KLF6: variants seen among roughly 807,000 people sequenced by gnomAD.
KLF6 encodes Krueppel-like factor 6.
For missense variants in KLF6, 233 were observed against 359.8 expected (o/e 0.65, Z 2.85); for synonymous variants, 152 against 147.9 (o/e 1.03, Z -0.20).
chr10:3,776,205 A>C lies in KLF6; in HGVS notation c.*3334T>G. The C allele has an allele frequency of 1.9e-6, 1 of 532,338 alleles. No individual in the cohort carries two copies. Among genetic ancestry groups the C allele is most frequent in the East Asian group, 3.9e-5 (1 of 25,546 alleles). The allele number at this position is 532,338 out of a possible 1,614,324, so 33.0% of individuals were successfully genotyped here. ...CTGTGGAGGCACAGAAGTGGCAGGG[A>C]AACACTCAAGTTTGTCGTTGTGCAG... On this transcript the variant is annotated 3_prime_UTR_variant, in exon 4 of 4. Transcript: ENST00000497571.
chr10:3,777,595 C>A lies in KLF6; in HGVS notation c.*1944G>T. The stretch of plus-strand genomic sequence containing the variant: ...GATTCAAGCAAGAAAGTCCTCCGCA[C>A]ATCGTTAAATTAAAGATAAAGCCTC... On this transcript the variant is annotated 3_prime_UTR_variant, in exon 4 of 4. Transcript: ENST00000497571. 1 of 510,452 alleles carries A rather than the reference C, an allele frequency of 2.0e-6. No homozygotes were observed. Among genetic ancestry groups the A allele is most frequent in the Non-Finnish European group, 3.8e-6 (1 of 261,282 alleles). The allele number at this position is 510,452 out of a possible 1,614,324, so 31.6% of individuals were successfully genotyped here. A position where few individuals can be genotyped will look rare whatever the true frequency, so the allele number is the denominator to read the frequency against.
At position 3,779,188 on chromosome 10, in the gene KLF6, A is replaced by G. The variant is rs564818506; in HGVS notation, c.*351T>C. Reference sequence around the variant, plus strand: ...TCCATCTCTTGCAGTCTTGCTAACCACAAGGAAAAAAAGTTGGCCTCATCA... The same window carrying G: ...TCCATCTCTTGCAGTCTTGCTAACCGCAAGGAAAAAAAGTTGGCCTCATCA... On this transcript the variant is annotated 3_prime_UTR_variant, in exon 4 of 4. Coordinates refer to ENST00000497571, the MANE Select transcript of KLF6 (RefSeq NM_001300.6). The G allele has an allele frequency of 1.3e-4, 75 of 555,628 alleles. No homozygotes were observed. Among genetic ancestry groups the G allele is most frequent in the Middle Eastern group, 9.7e-4 (2 of 2,052 alleles). The allele number at this position is 555,628 out of a possible 1,614,324, so 34.4% of individuals were successfully genotyped here. A position where few individuals can be genotyped will look rare whatever the true frequency, so the allele number is the denominator to read the frequency against.
Position 3,776,183 on chromosome 10 carries a change from T to G in KLF6, c.*3356A>C, listed in dbSNP as rs746825942. 8 of 531,570 alleles carry G rather than the reference T, an allele frequency of 1.5e-5. 1 individual carries two copies. Among genetic ancestry groups the G allele is most frequent in the South Asian group, 1.2e-4 (8 of 65,146 alleles). 32.9% of individuals were successfully genotyped at this position (531,570 alleles called of 1,614,324 possible). On this transcript the variant is annotated 3_prime_UTR_variant, in exon 4 of 4. Transcript: ENST00000497571. ...CTAGCTGCGGAACTGGAGCAGGCTG[T>G]GGAGGCACAGAAGTGGCAGGGAAAC...
In KLF6 at chr10:3,780,478, A is replaced by C; in HGVS notation, c.677-249T>G. ...GCCCATGGTGCTGTCATCAAAGTTA[A>C]CGTGGAAGAACGACCACGACTCAGA... is the stretch of plus-strand genomic sequence containing the variant. On this transcript the variant is annotated intron_variant, in intron 2 of 3. Transcript: ENST00000497571. This position sits in a 1 kb window ranked among gnomAD's most constrained non-coding sequence, Gnocchi z 4.6. 9.2e-6 allele frequency: 5 copies of C among 544,932 alleles called. No individual in the cohort carries two copies. The highest frequency in any genetic ancestry group is 2.9e-5 in the Admixed American group (1 of 34,008). 33.8% of individuals were successfully genotyped at this position (544,932 alleles called of 1,614,324 possible). A position where few individuals can be genotyped will look rare whatever the true frequency, so the allele number is the denominator to read the frequency against.
rs763232619 is a variant in KLF6, at chr10:3,785,040, C to G, written c.-26G>C. ...GTCGGGCCGGGTTGGACGGAGCCCG[C>G]GGTCGCGAGGGCGGCGAGGCGCGCG... On this transcript the variant is annotated 5_prime_UTR_variant, in exon 1 of 4. Transcript: ENST00000497571. 6.2e-6 allele frequency: 10 copies of G among 1,610,568 alleles called. No homozygotes were observed. The highest frequency in any genetic ancestry group is 8.5e-6 in the Non-Finnish European group (10 of 1,178,528).
At position 3,781,770 on chromosome 10, in the gene KLF6, G is replaced by C; in HGVS notation, c.547C>G (p.Pro183Ala). Reference protein sequence around the residue: ...GKVRSGTSGKPGDKGNGDASP... With the variant: ...GKVRSGTSGKAGDKGNGDASP... ...GCATCGCCATTTCCCTTGTCACCTG[G>C]CTTCCCCGAAGTCCCGCTGCGCACC... is the stretch of plus-strand genomic sequence containing the variant. The change falls in exon 2 of 4, where the codon CCA becomes GCA. Residue 183 changes from proline to alanine, a missense_variant. Pro to Ala is a conservative substitution (Grantham distance 27). Transcript: ENST00000497571. This position sits in a 1 kb window ranked among gnomAD's most constrained non-coding sequence, Gnocchi z 5.8. The C allele has an allele frequency of 6.2e-7, 1 of 1,614,234 alleles. No individual in the cohort carries two copies. The highest frequency in any genetic ancestry group is 2.2e-5 in the East Asian group (1 of 44,884).
Position 3,784,907 on chromosome 10 carries a change from G to C in KLF6, c.102+6C>G. ...CCCGCAGGGAACCGCGGCCGGCTGCGTTTACCTGTTGCCAGTACTCCTCCA... is the reference window on the plus strand; with the variant it reads ...CCCGCAGGGAACCGCGGCCGGCTGCCTTTACCTGTTGCCAGTACTCCTCCA... On this transcript the variant is annotated splice_donor_region_variant and intron_variant, in intron 1 of 3. Transcript: ENST00000497571. 1 of 1,599,104 alleles carries C rather than the reference G, an allele frequency of 6.3e-7. No homozygotes were observed. Among genetic ancestry groups the C allele is most frequent in the Non-Finnish European group, 8.5e-7 (1 of 1,172,886 alleles).
In KLF6 at chr10:3,781,531, T is replaced by G; in HGVS notation, c.676+110A>C. The G allele has an allele frequency of 6.4e-7, 1 of 1,558,446 alleles. No homozygotes were observed. The highest frequency in any genetic ancestry group is 8.7e-7 in the Non-Finnish European group (1 of 1,151,048). ...GGAAAACATCTGAGGAAGTGAGGAT[T>G]TGTCTGCCCTGACCACATCCTGTGC... On this transcript the variant is annotated intron_variant, in intron 2 of 3. Coordinates refer to ENST00000497571, the MANE Select transcript of KLF6 (RefSeq NM_001300.6). The surrounding 1 kb of genome is among the most constrained non-coding windows in gnomAD (Gnocchi z 5.8).
chr10:3,781,653 G>T lies in KLF6; in HGVS notation c.664C>A (p.Arg222=), dbSNP rs376854475. ...CGTGGGCACTGACCTGTGTGCGTCCGCTGGTGTGCTTTCAAGTGGGAGCTT... is the reference window on the plus strand; with the variant it reads ...CGTGGGCACTGACCTGTGTGCGTCCTCTGGTGTGCTTTCAAGTGGGAGCTT... ...TKSSHLKAHQ[R]THTGEKPYRC... is the part of the protein sequence containing the mutation. The change falls in exon 2 of 4, where the codon CGG becomes AGG. Residue 222 remains arginine, a synonymous_variant. Transcript: ENST00000497571. The surrounding 1 kb of genome is among the most constrained non-coding windows in gnomAD (Gnocchi z 5.8). The T allele has an allele frequency of 6.2e-7, 1 of 1,612,514 alleles. No homozygotes were observed. Among genetic ancestry groups the T allele is most frequent in the Non-Finnish European group, 8.5e-7 (1 of 1,179,066 alleles).
In KLF6 at chr10:3,780,280, C is replaced by A; in HGVS notation, c.677-51G>T. ...GCCCATGACTTCACTGACCCGCAGA[C>A]GGAAAGGGGAAATTCAACAACACAC... On this transcript the variant is annotated intron_variant, in intron 2 of 3. Transcript: ENST00000497571. The surrounding 1 kb of genome is among the most constrained non-coding windows in gnomAD (Gnocchi z 4.6). The A allele has an allele frequency of 6.2e-7, 1 of 1,608,146 alleles. No homozygotes were observed. Among genetic ancestry groups the A allele is most frequent in the East Asian group, 2.2e-5 (1 of 44,878 alleles).
rs1412204320 is a variant in KLF6, at chr10:3,780,074, C to A, written c.800+32G>T. On this transcript the variant is annotated intron_variant, in intron 3 of 3. Transcript: ENST00000497571. The surrounding 1 kb of genome is among the most constrained non-coding windows in gnomAD (Gnocchi z 4.6). ...GTCATCACATTCCCAAGGCCCCACG[C>A]TCCTTGCCCAGCATTGTCCTCAGGC... 6.2e-7 allele frequency: 1 copy of A among 1,613,792 alleles called. No individual in the cohort carries two copies. Among genetic ancestry groups the A allele is most frequent in the Admixed American group, 1.7e-5 (1 of 60,034 alleles).
Position 3,780,271 on chromosome 10 carries a change from A to G in KLF6, c.677-42T>C. The G allele has an allele frequency of 6.2e-7, 1 of 1,610,516 alleles. No individual in the cohort carries two copies. Among genetic ancestry groups the G allele is most frequent in the Non-Finnish European group, 8.5e-7 (1 of 1,179,816 alleles). On this transcript the variant is annotated intron_variant, in intron 2 of 3. Transcript: ENST00000497571. The surrounding 1 kb of genome is among the most constrained non-coding windows in gnomAD (Gnocchi z 4.6). ...GGACAAGCAGCCCATGACTTCACTG[A>G]CCCGCAGACGGAAAGGGGAAATTCA...
rs1832454018 is a variant in KLF6 at position 3,778,833 on chromosome 10, A to G, written c.*706T>C. On this transcript the variant is annotated 3_prime_UTR_variant, in exon 4 of 4. Coordinates refer to ENST00000497571, the MANE Select transcript of KLF6 (RefSeq NM_001300.6). Reference sequence around the variant, plus strand: ...TATTTGTAAATACACAGCTTATACAATGGGTTACAAATGAGCTATGTTGTA... The same window carrying G: ...TATTTGTAAATACACAGCTTATACAGTGGGTTACAAATGAGCTATGTTGTA... 1.9e-6 allele frequency: 1 copy of G among 533,090 alleles called. No individual in the cohort carries two copies. Among genetic ancestry groups the G allele is most frequent in the African/African-American group, 1.9e-5 (1 of 53,796 alleles). The allele number at this position is 533,090 out of a possible 1,614,324, so 33.0% of individuals were successfully genotyped here. A position where few individuals can be genotyped will look rare whatever the true frequency, so the allele number is the denominator to read the frequency against.
At chr10:3,783,976 G>A (rs985449127) in intron 1 of KLF6, among the ~76,000 whole-genome samples, 12 of 152,298 alleles carry the variant, frequency 7.9e-5, no homozygotes, top group African/African-American at 2.9e-4. Flanking sequence ...AATTAAGCAG[G>A]CGTGTGAAGG....
rs764319886 is a variant in KLF6 at position 3,777,287 on chromosome 10, C to T, written c.*2252G>A. 9 of 514,690 alleles carry T rather than the reference C, an allele frequency of 1.7e-5. No individual in the cohort carries two copies. The highest frequency in any genetic ancestry group is 3.8e-5 in the African/African-American group (2 of 52,640). The allele number at this position is 514,690 out of a possible 1,614,324, so 31.9% of individuals were successfully genotyped here. On this transcript the variant is annotated 3_prime_UTR_variant, in exon 4 of 4. Coordinates refer to ENST00000497571, the MANE Select transcript of KLF6 (RefSeq NM_001300.6). ...TGGGTGAAATATCAGCTGTCCACGC[C>T]GTGGTATGCCAATTCGGGGAAATTA...
rs1280956214 is a variant in KLF6 at position 3,781,132 on chromosome 10, GAGA to G, written c.676+506_676+508del. 1.3e-5 allele frequency: 3 copies of G among 228,104 alleles called. No individual in the cohort carries two copies. Among genetic ancestry groups the G allele is most frequent in the Admixed American group, 5.2e-5 (1 of 19,128 alleles). The allele number at this position is 228,104 out of a possible 1,614,324, so 14.1% of individuals were successfully genotyped here. A position where few individuals can be genotyped will look rare whatever the true frequency, so the allele number is the denominator to read the frequency against. On this transcript the variant is annotated intron_variant, in intron 2 of 3. Transcript: ENST00000497571. The surrounding 1 kb of genome is among the most constrained non-coding windows in gnomAD (Gnocchi z 5.8). ...AGAAACAAAGGCTGCATGAGACACG[GAGA>G]AGTTCTCAGGAAACACTCGCTGATC...
chr10:3,779,981 A>G, intron 3 of KLF6, 125 bp downstream of exon 3: 1 of 1,265,030 alleles, frequency 7.9e-7, no homozygotes, highest in Non-Finnish European at 1.1e-6. Flanking sequence ...AGGCTTGAAA[A>G]GAAATGTTCA....
At position 3,780,880 on chromosome 10, in the gene KLF6, C is replaced by A. The variant is rs1832502292; in HGVS notation, c.677-651G>T. On this transcript the variant is annotated intron_variant, in intron 2 of 3. Coordinates refer to ENST00000497571, the MANE Select transcript of KLF6 (RefSeq NM_001300.6). This position sits in a 1 kb window ranked among gnomAD's most constrained non-coding sequence, Gnocchi z 4.6. ...AGGCCTGGGCCTGGATATTGGGCCA[C>A]CCGGATCTCAATCTCAGCTGTCACC... 1 of 167,746 alleles carries A rather than the reference C, an allele frequency of 6.0e-6. No individual in the cohort carries two copies. The highest frequency in any genetic ancestry group is 1.4e-4 in the South Asian group (1 of 7,368). 10.4% of individuals were successfully genotyped at this position (167,746 alleles called of 1,614,324 possible).
At position 3,780,235 on chromosome 10, in the gene KLF6, G is replaced by A. The variant is rs1243709526; in HGVS notation, c.677-6C>T. On this transcript the variant is annotated splice_region_variant and splice_polypyrimidine_tract_variant and intron_variant, in intron 2 of 3. Coordinates refer to ENST00000497571, the MANE Select transcript of KLF6 (RefSeq NM_001300.6). This position sits in a 1 kb window ranked among gnomAD's most constrained non-coding sequence, Gnocchi z 4.6. ...GCATCTGTAAGGCTTTTCTCCTGGG[G>A]AGAGAGCACAGGACAAGCAGCCCAT... 6.2e-7 allele frequency: 1 copy of A among 1,613,686 alleles called. No homozygotes were observed.
Sources: allele counts gnomAD v4.1 joint callset (sites outside exome capture counted in the v4.1 genomes callset), GRCh38; gene constraint gnomAD v4.1.1; non-coding constraint Gnocchi (gnomAD v3.1); transcripts MANE v1.5; gene names NCBI Gene and HGNC (gene_info 2026-07-23, HGNC 2026-07-21).